The following RTN4R variants were observed in gnomAD, a reference collection of about 807,000 sequenced individuals.
RTN4R encodes reticulon-4 receptor.
RTN4R carries 4 observed loss-of-function variants against 27.7 expected under a neutral mutation model. That is an observed-to-expected ratio of 0.14 (90% CI 0.07 to 0.33). The LOEUF (loss-of-function observed/expected upper bound fraction) is 0.33, where lower values mean the gene tolerates loss of function less well. Ranked by LOEUF, RTN4R falls within the 10% of genes least tolerant of loss-of-function variation. The pLI, the probability that RTN4R is intolerant of heterozygous loss-of-function variation, is 1.00. For missense variants in RTN4R, 554 were observed against 671.5 expected (o/e 0.83, Z 1.93); for synonymous variants, 290 against 305.6 (o/e 0.95, Z 0.53).
rs2145971242 is a variant in RTN4R at position 20,241,598 on chromosome 22, A to G, written c.*113T>C. Reference sequence around the variant, plus strand: ...GGGCGGCAGGCGTCCATCAGGGAGGACCTGGCCTGGCCTGCCCCACGGGTC... The same window carrying G: ...GGGCGGCAGGCGTCCATCAGGGAGGGCCTGGCCTGGCCTGCCCCACGGGTC... On this transcript the variant is annotated 3_prime_UTR_variant, in exon 2 of 2. Coordinates refer to ENST00000043402, the MANE Select transcript of RTN4R (RefSeq NM_023004.6). The G allele has an allele frequency of 8.5e-7, 1 of 1,173,704 alleles. No individual in the cohort carries two copies. Among genetic ancestry groups the G allele is most frequent in the Non-Finnish European group, 1.2e-6 (1 of 820,140 alleles). 72.7% of individuals were successfully genotyped at this position (1,173,704 alleles called of 1,614,324 possible).
At chr22:20,267,485 G>A (rs1271790633) in intron 1 of RTN4R, 10 of 393,056 alleles carry the variant, frequency 2.5e-5, no homozygotes, top group Non-Finnish European at 4.2e-5. Flanking sequence ...ATGTCCCTCG[G>A]GCTGCAGATG....
At chr22:20,250,858 C>CAT (rs2051172270) in intron 1 of RTN4R, among the ~76,000 whole-genome samples, 1 of 151,088 alleles carries the variant, frequency 6.6e-6, no homozygotes, top group Admixed American at 6.6e-5. Context: ...CATGCATGCA[C>CAT]ACACACACAC....
intron 1 of RTN4R, among the ~76,000 whole-genome samples, chr22:20,247,552 C>T (rs564729760): frequency 6.6e-6 from 1 of 151,416 alleles, no homozygotes; most frequent in East Asian, 2.0e-4. Context: ...CTCAGGCCCA[C>T]AGACACGTGC....
In RTN4R at chr22:20,241,855, G is replaced by A; in HGVS notation, c.1278C>T (p.Arg426=). 1.2e-6 allele frequency: 2 copies of A among 1,609,586 alleles called. No individual in the cohort carries two copies. The highest frequency in any genetic ancestry group is 1.7e-6 in the Non-Finnish European group (2 of 1,178,880). ...RPGCSRKNRT[R]SHCRLGQAGS... Reference sequence around the variant, plus strand: ...CTGCCTGGCCCAGACGGCAGTGGCTGCGGGTGCGGTTCTTGCGTGAACAGC... The same window carrying A: ...CTGCCTGGCCCAGACGGCAGTGGCTACGGGTGCGGTTCTTGCGTGAACAGC... The change falls in exon 2 of 2, where the codon CGC becomes CGT. Residue 426 remains arginine, a synonymous_variant. Transcript: ENST00000043402.
In RTN4R at chr22:20,258,388, C is replaced by T. The variant is rs146168412; in HGVS notation, c.22+9683G>A. Among the ~76,000 whole-genome samples the T allele has an allele frequency of 7.9e-5, 12 of 152,358 alleles. No homozygotes were observed. The East Asian group carries it at 2.3e-3, about 29-fold the overall frequency. ...CTTCCTCGTCTGCACCACTGCCTTG[C>T]CCAAGGTGTCCATCCTCAGACCCAA... On this transcript the variant is annotated intron_variant, in intron 1 of 1. Coordinates refer to ENST00000043402, the MANE Select transcript of RTN4R (RefSeq NM_023004.6).
chr22:20,248,751 A>C (rs1189592429), intron 1 of RTN4R, among the ~76,000 whole-genome samples: 1 of 152,182 alleles, frequency 6.6e-6, no homozygotes, highest in African/African-American at 2.4e-5. Context: ...AGCCAGCCCC[A>C]GGCAGCATGA....
At chr22:20,262,372 G>A (rs774955876) in intron 1 of RTN4R, among the ~76,000 whole-genome samples, 3 of 152,178 alleles carry the variant, frequency 2.0e-5, no homozygotes, top group African/African-American at 7.2e-5. Context: ...CTCACTTGCC[G>A]GGACCTGGGA....
At chr22:20,257,054 T>G (rs569134108) in intron 1 of RTN4R, among the ~76,000 whole-genome samples, 13 of 152,364 alleles carry the variant, frequency 8.5e-5, no homozygotes, top group South Asian at 8.3e-4. Context: ...CAGGAGGTGC[T>G]CCATAAATGT....
intron 1 of RTN4R, among the ~76,000 whole-genome samples, chr22:20,258,519 G>A (rs1032820396): frequency 6.6e-6 from 1 of 152,240 alleles, no homozygotes; most frequent in Admixed American, 6.5e-5. Context: ...GTGACAGGCT[G>A]GGTGGGTCTC....
intron 1 of RTN4R, among the ~76,000 whole-genome samples, chr22:20,266,706 C>T (rs2871063): frequency 6.6e-6 from 1 of 152,138 alleles, no homozygotes; most frequent in East Asian, 1.9e-4. Flanking sequence ...CTGGGCTTTG[C>T]GGTATTCAAC....
chr22:20,252,736 C>T (rs2051191476), intron 1 of RTN4R, among the ~76,000 whole-genome samples: 1 of 152,150 alleles, frequency 6.6e-6, no homozygotes, highest in Admixed American at 6.5e-5. Flanking sequence ...CAACCTCAGC[C>T]CAGGAGGCTG....
rs1029297686 is a variant in RTN4R, at chr22:20,255,173, G to C, written c.23-12063C>G. 7.2e-5 allele frequency among the ~76,000 whole-genome samples: 11 copies of C among 152,202 alleles called. No homozygotes were observed. The highest frequency in any genetic ancestry group is 2.7e-4 in the African/African-American group (11 of 41,444). On this transcript the variant is annotated intron_variant, in intron 1 of 1. Transcript: ENST00000043402. The surrounding 1 kb of genome is among the most constrained non-coding windows in gnomAD (Gnocchi z 4.8). ...TTCTCCAGACCAGCCTCCGAGGCTG[G>C]GTGCAGGTGTTAACTCTGCAATATG...
At chr22:20,258,810 C>T (rs2051227608) in intron 1 of RTN4R, among the ~76,000 whole-genome samples, 1 of 152,152 alleles carries the variant, frequency 6.6e-6, no homozygotes, top group African/African-American at 2.4e-5. Flanking sequence ...GCTCTGCCTG[C>T]AGGGGGCAGT....
intron 1 of RTN4R, among the ~76,000 whole-genome samples, chr22:20,254,809 T>C (rs1303889810): frequency 1.3e-5 from 2 of 152,002 alleles, no homozygotes; most frequent in East Asian, 1.9e-4. Flanking sequence ...GAGACCCCAA[T>C]AGAAGCCCTG....
Position 20,241,580 on chromosome 22 carries a change from A to G in RTN4R, c.*131T>C. 1.0e-6 allele frequency: 1 copy of G among 953,668 alleles called. No individual in the cohort carries two copies. Among genetic ancestry groups the G allele is most frequent in the East Asian group, 2.7e-5 (1 of 37,544 alleles). The allele number at this position is 953,668 out of a possible 1,614,324, so 59.1% of individuals were successfully genotyped here. The stretch of plus-strand genomic sequence containing the variant: ...GGTGGAGATGGGGGTGGCGGGCGGC[A>G]GGCGTCCATCAGGGAGGACCTGGCC... On this transcript the variant is annotated 3_prime_UTR_variant, in exon 2 of 2. Coordinates refer to ENST00000043402, the MANE Select transcript of RTN4R (RefSeq NM_023004.6).
chr22:20,249,616 C>T (rs1054576865), intron 1 of RTN4R, among the ~76,000 whole-genome samples: 14 of 152,164 alleles, frequency 9.2e-5, no homozygotes, highest in Non-Finnish European at 4.4e-5. Context: ...AATAAGAGCC[C>T]CCAGGGCTGG....
At chr22:20,258,122 C>T (rs1229337544) in intron 1 of RTN4R, among the ~76,000 whole-genome samples, 3 of 152,328 alleles carry the variant, frequency 2.0e-5, no homozygotes, top group Admixed American at 1.3e-4. Context: ...AAGCCCAGCT[C>T]CAAGGCCAAG....
At chr22:20,259,642 C>G (rs1156412977) in intron 1 of RTN4R, among the ~76,000 whole-genome samples, 1 of 152,206 alleles carries the variant, frequency 6.6e-6, no homozygotes, top group Non-Finnish European at 1.5e-5. Flanking sequence ...AGTGGCCTGT[C>G]CTGCAGCCAC....
In RTN4R at chr22:20,265,205, A is replaced by G. The variant is rs372392121; in HGVS notation, c.22+2866T>C. ...CTGGGGCAGGGACGAGGAGAGGGCAATGCTACAAGGCTGCACTGTTCCTGG... is the reference window on the plus strand; with the variant it reads ...CTGGGGCAGGGACGAGGAGAGGGCAGTGCTACAAGGCTGCACTGTTCCTGG... On this transcript the variant is annotated intron_variant, in intron 1 of 1. Transcript: ENST00000043402. Among the ~76,000 whole-genome samples, 4 of 151,792 alleles carry G rather than the reference A, an allele frequency of 2.6e-5. No individual in the cohort carries two copies. The South Asian group carries it at 6.2e-4, about 24-fold the overall frequency.
Sources: allele counts gnomAD v4.1 joint callset (sites outside exome capture counted in the v4.1 genomes callset), GRCh38; gene constraint gnomAD v4.1.1; non-coding constraint Gnocchi (gnomAD v3.1); transcripts MANE v1.5; gene names NCBI Gene and HGNC (gene_info 2026-07-23, HGNC 2026-07-21).